INF2: variants seen among roughly 807,000 people sequenced by gnomAD.
INF2 encodes the protein inverted formin 2.
INF2 carries 43 observed loss-of-function variants against 123.5 expected under a neutral mutation model. The observed-to-expected ratio is 0.35, with a 90% CI of 0.27 to 0.45. INF2 has a LOEUF of 0.45. Ranked by LOEUF, INF2 falls within the 20% of genes least tolerant of loss-of-function variation. The pLI is 1.00. For missense variants in INF2, 1,453 were observed against 1,682.7 expected, an observed-to-expected ratio of 0.86 and a Z score of 2.39; for synonymous variants, 851 against 745.0, an observed-to-expected ratio of 1.14 and a Z score of -2.32.
chr14:104,709,523 GC>G, intron 11 of INF2, 96 bp from the exon 12 acceptor site: 1 of 1,306,722 alleles, frequency 7.7e-7, no homozygotes, highest in African/African-American at 1.4e-5. Context: ...GCCACAGGGA[GC>G]CATGATGGGC....
chr14:104,704,106 A>G, intron 5 of INF2, 157 bp downstream of exon 5: 1 of 1,487,864 alleles, frequency 6.7e-7, no homozygotes, highest in East Asian at 2.5e-5. Flanking sequence ...GCCAGAAGCC[A>G]GGTCTCAGGC....
chr14:104,709,509 G>A (rs909578158), intron 11 of INF2, 111 bp from the exon 12 acceptor site: 30 of 1,292,958 alleles, frequency 2.3e-5, no homozygotes, highest in South Asian at 1.9e-4. Context: ...GCCCTGAACC[G>A]TGAGCCACAG....
rs879322989 is a variant in INF2, at chr14:104,713,710, C to T, written c.3040+104C>T. On this transcript the variant is annotated intron_variant, in intron 20 of 22. Transcript: ENST00000392634. ...TTCACTGGAAAGCCCTCTCCTCTCC[C>T]TGGGCCACCCTGGAGGCCCCTAAGA... The T allele has an allele frequency of 1.9e-5, 25 of 1,288,180 alleles. No individual in the cohort carries two copies. The African/African-American group carries it at 3.4e-4, about 17-fold the overall frequency. The allele number at this position is 1,288,180 out of a possible 1,614,324, so 79.8% of individuals were successfully genotyped here.
intron 22 of INF2, among the ~76,000 whole-genome samples, chr14:104,718,402 C>G (rs192906619): frequency 6.6e-6 from 1 of 151,952 alleles, no homozygotes; most frequent in African/African-American, 2.4e-5. Flanking sequence ...CTGGGGTCCT[C>G]GTGTGGGGCC....
rs1229175435 is a variant in INF2, at chr14:104,706,868, A to G, written c.844-42A>G. 13 of 1,595,930 alleles carry G rather than the reference A, an allele frequency of 8.1e-6. No individual in the cohort carries two copies. In the South Asian group the frequency reaches 1.0e-4, roughly 12 times the overall value. On this transcript the variant is annotated intron_variant, in intron 6 of 22. Transcript: ENST00000392634. ...GGCCACAGTCCTTAGTCCACCAGGGAGGGGCCGGCTGCTGACCTGCACCCC... is the reference window on the plus strand; with the variant it reads ...GGCCACAGTCCTTAGTCCACCAGGGGGGGGCCGGCTGCTGACCTGCACCCC...
Position 104,722,062 on chromosome 14 carries a change from G to A in INF2, c.*3269G>A, listed in dbSNP as rs1333486042. 5 of 152,418 alleles carry A rather than the reference G, an allele frequency of 3.3e-5. No homozygotes were observed. Among genetic ancestry groups the A allele is most frequent in the Non-Finnish European group, 5.9e-5 (4 of 68,164 alleles). 9.4% of individuals were successfully genotyped at this position (152,418 alleles called of 1,614,324 possible). A position where few individuals can be genotyped will look rare whatever the true frequency, so the allele number is the denominator to read the frequency against. On this transcript the variant is annotated 3_prime_UTR_variant, in exon 23 of 23. Transcript: ENST00000392634. Reference sequence around the variant, plus strand: ...TCACACATCGAGACAGCAGGGCCCAGATGGATGGCCCCAAGCTCGGTGGCT... The same window carrying A: ...TCACACATCGAGACAGCAGGGCCCAAATGGATGGCCCCAAGCTCGGTGGCT...
intron 1 of INF2, among the ~76,000 whole-genome samples, chr14:104,698,858 G>A (rs1889328762): frequency 6.6e-6 from 1 of 152,222 alleles, no homozygotes; most frequent in African/African-American, 2.4e-5. Flanking sequence ...GCGAGACCCT[G>A]TTACACTCAC....
In INF2 at chr14:104,712,857, T is replaced by C. The variant is rs10133301; in HGVS notation, c.2640T>C (p.Asp880=). ...QASISAFRAL[D]ELFEAIEQKQ... ...GCATCTCGGCCTTCCGGGCACTGGA[T>C]GAGCTGTTTGAGGCCATCGAGCAGA... The change falls in exon 18 of 23, where the codon GAT becomes GAC. Residue 880 remains aspartate, a synonymous_variant. Transcript: ENST00000392634. 0.85 allele frequency: 1,372,613 copies of C among 1,612,146 alleles called. 585,888 individuals are homozygous for C. The highest frequency in any genetic ancestry group is 0.97 in the African/African-American group (73,124 of 75,066).
intron 10 of INF2, among the ~76,000 whole-genome samples, chr14:104,708,983 A>T (rs952051466): frequency 6.6e-6 from 1 of 151,608 alleles, no homozygotes; most frequent in African/African-American, 2.4e-5. Flanking sequence ...GTGGGCCCTG[A>T]CTCTCAGCCC....
chr14:104,681,840 C>T (rs1406707987), intron 1 of INF2, among the ~76,000 whole-genome samples: 3 of 152,234 alleles, frequency 2.0e-5, no homozygotes, highest in Non-Finnish European at 4.4e-5. Flanking sequence ...CCTGGCCACA[C>T]CCGGCCTGGA....
chr14:104,706,763 G>A (rs1051610053), intron 6 of INF2, 147 bp from the exon 7 acceptor site: 6 of 858,460 alleles, frequency 7.0e-6, no homozygotes, highest in African/African-American at 1.7e-5. Flanking sequence ...CATGTCACCA[G>A]TACCACAGTC....
chr14:104,715,201 G>A (rs764501502), intron 21 of INF2, 83 bp from the exon 22 acceptor site: 16 of 1,382,340 alleles, frequency 1.2e-5, no homozygotes, highest in East Asian at 6.9e-5. Context: ...TGGCTGTCCC[G>A]GGCCCCCCAG....
At chr14:104,689,335 G>C, upstream of INF2, 1 of 864,244 alleles carries the variant, frequency 1.2e-6, no homozygotes, top group Non-Finnish European at 1.4e-6. Context: ...GCGGACAGTG[G>C]GGGCTGAGGC....
At chr14:104,689,916 CT>C (rs1471756990) in intron 1 of INF2, among the ~76,000 whole-genome samples, 177 bp downstream of exon 1, 1 of 151,894 alleles carries the variant, frequency 6.6e-6, no homozygotes, top group Non-Finnish European at 1.5e-5. Context: ...CAGGGCGCCC[CT>C]GGCCCCCCCG....
At position 104,707,248 on chromosome 14, in the gene INF2, T is replaced by A; in HGVS notation, c.986-5T>A. On this transcript the variant is annotated splice_polypyrimidine_tract_variant and splice_region_variant and intron_variant, in intron 7 of 22. Coordinates refer to ENST00000392634, the MANE Select transcript of INF2 (RefSeq NM_022489.4). ...TCCCTTGACCCTGGACATCCCCTAC[T>A]GCAGCCCAGGAATGCACCCTGGAGG... is the stretch of plus-strand genomic sequence containing the variant. The A allele has an allele frequency of 6.2e-7, 1 of 1,606,044 alleles. No homozygotes were observed. Among genetic ancestry groups the A allele is most frequent in the Non-Finnish European group, 8.5e-7 (1 of 1,176,620 alleles).
rs4497619 is a variant in INF2 at position 104,712,706 on chromosome 14, G to C, written c.2611-122G>C. ...GTCAGGGCACAGGCCCCTGCTCCTT[G>C]TCAGAGACCACCGTCCTCAGGGCCT... is the stretch of plus-strand genomic sequence containing the variant. On this transcript the variant is annotated intron_variant, in intron 17 of 22. Transcript: ENST00000392634. The C allele has an allele frequency of 0.85, 1,247,361 of 1,471,396 alleles. 529,678 individuals carry two copies. Among genetic ancestry groups the C allele is most frequent in the East Asian group, 0.94 (40,027 of 42,628 alleles). 91.1% of individuals were successfully genotyped at this position (1,471,396 alleles called of 1,614,324 possible). A position where few individuals can be genotyped will look rare whatever the true frequency, so the allele number is the denominator to read the frequency against.
chr14:104,711,999 G>A (rs991132610), intron 16 of INF2, among the ~76,000 whole-genome samples: 13 of 152,168 alleles, frequency 8.5e-5, no homozygotes, highest in African/African-American at 2.9e-4. Context: ...CACGACAGCC[G>A]TGAGCAGGCT....
At chr14:104,704,071 C>CCCTCGGAGTAA in intron 5 of INF2, 122 bp downstream of exon 5, 14 of 1,548,048 alleles carry the variant, frequency 9.0e-6, no homozygotes, top group Non-Finnish European at 1.1e-5. Flanking sequence ...GGAGGTGGCT[C>CCCTCGGAGTAA]CCTCGGAGTA....
Position 104,684,381 on chromosome 14 carries a change from C to A in INF2, c.-104+2799C>A. The A allele has an allele frequency of 3.4e-6, 1 of 297,252 alleles. No individual in the cohort carries two copies. Among genetic ancestry groups the A allele is most frequent in the South Asian group, 3.1e-5 (1 of 32,740 alleles). 18.4% of individuals were successfully genotyped at this position (297,252 alleles called of 1,614,324 possible). A position where few individuals can be genotyped will look rare whatever the true frequency, so the allele number is the denominator to read the frequency against. ...CCGGCCTCTGCACCTCAGCTTTCAG[C>A]GGATAGGTTTGTGCAACGAAATATT... On this transcript the variant is annotated intron_variant, in intron 1 of 2. Coordinates refer to the INF2 transcript ENST00000674723. The surrounding 1 kb of genome is among the most constrained non-coding windows in gnomAD (Gnocchi z 5.0).
Sources: allele counts gnomAD v4.1 joint callset (sites outside exome capture counted in the v4.1 genomes callset), GRCh38; gene constraint gnomAD v4.1.1; non-coding constraint Gnocchi (gnomAD v3.1); transcripts MANE v1.5; gene names NCBI Gene and HGNC (gene_info 2026-07-23, HGNC 2026-07-21).